Variants in ZDHHC14 observed in about 807,000 individuals in gnomAD.
ZDHHC14 encodes the protein palmitoyltransferase ZDHHC14.
In ZDHHC14, 16 loss-of-function variants were observed where a neutral mutation model predicts 47.7. That is an observed-to-expected ratio of 0.34 (90% CI 0.23 to 0.51). The LOEUF is 0.51. Ranked by LOEUF, ZDHHC14 falls within the 20% of genes least tolerant of loss-of-function variation. The probability of loss-of-function intolerance (pLI) is 0.97; values close to 1 mark genes in which losing one functional copy is unlikely to be tolerated. For missense variants in ZDHHC14, 515 were observed against 662.5 expected (o/e 0.78, Z 2.44); for synonymous variants, 293 against 278.9 (o/e 1.05, Z -0.50).
chr6:157,634,220 T>G (rs1293143040), intron 5 of ZDHHC14, among the ~76,000 whole-genome samples: 1 of 152,216 alleles, frequency 6.6e-6, no homozygotes, highest in African/African-American at 2.4e-5. Context: ...CAACTAATAC[T>G]TTTTAAACTC....
chr6:157,433,244 C>G (rs1245028281), intron 1 of ZDHHC14, among the ~76,000 whole-genome samples: 2 of 152,178 alleles, frequency 1.3e-5, no homozygotes, highest in African/African-American at 4.8e-5. Flanking sequence ...TAAGTTGGCT[C>G]TTATAATTAA....
At position 157,653,447 on chromosome 6, in the gene ZDHHC14, G is replaced by A. The variant is rs573053027; in HGVS notation, c.966-78G>A. The A allele has an allele frequency of 3.3e-5, 49 of 1,502,712 alleles. No homozygotes were observed. The Admixed American group carries it at 5.1e-4, about 16-fold the overall frequency. The allele number at this position is 1,502,712 out of a possible 1,614,324, so 93.1% of individuals were successfully genotyped here. A position where few individuals can be genotyped will look rare whatever the true frequency, so the allele number is the denominator to read the frequency against. Reference sequence around the variant, plus strand: ...TGTCACGGGAAGAGGGAGCCCCGACGCGGAACCTGAGATAGTGCTGCTGCA... The same window carrying A: ...TGTCACGGGAAGAGGGAGCCCCGACACGGAACCTGAGATAGTGCTGCTGCA... On this transcript the variant is annotated intron_variant, in intron 7 of 8. Transcript: ENST00000359775.
At position 157,427,043 on chromosome 6, in the gene ZDHHC14, GA is replaced by G. The variant is rs1289856298; in HGVS notation, c.245+44778del. Reference sequence around the variant, plus strand: ...GTGAGGAATCGGTCTAGAGGAAAAGGAGGAGAGGCACGGTGCGAGCTGGGGT... The same window carrying G: ...GTGAGGAATCGGTCTAGAGGAAAAGGGGAGAGGCACGGTGCGAGCTGGGGT... On this transcript the variant is annotated intron_variant, in intron 1 of 8. Transcript: ENST00000359775. The surrounding 1 kb of genome is among the most constrained non-coding windows in gnomAD (Gnocchi z 4.4). Among the ~76,000 whole-genome samples, 1 of 152,150 alleles carries G rather than the reference GA, an allele frequency of 6.6e-6. No homozygotes were observed. Among genetic ancestry groups the G allele is most frequent in the Non-Finnish European group, 1.5e-5 (1 of 68,016 alleles).
chr6:157,502,802 T>G lies in ZDHHC14; in HGVS notation c.246-39783T>G, dbSNP rs185403734. ...GCCTCCCAGGTTCAAGCGATTCTCC[T>G]GGCTCAGCCTCTCAAGTAGCTGGGA... On this transcript the variant is annotated intron_variant, in intron 1 of 8. Coordinates refer to ENST00000359775, the MANE Select transcript of ZDHHC14 (RefSeq NM_024630.3). The surrounding 1 kb of genome is among the most constrained non-coding windows in gnomAD (Gnocchi z 4.0). Among the ~76,000 whole-genome samples, 22 of 152,336 alleles carry G rather than the reference T, an allele frequency of 1.4e-4. No homozygotes were observed. The highest frequency in any genetic ancestry group is 3.4e-3 in the Middle Eastern group (1 of 294).
At chr6:157,521,390 G>A (rs940595312) in intron 1 of ZDHHC14, among the ~76,000 whole-genome samples, 8 of 152,172 alleles carry the variant, frequency 5.3e-5, no homozygotes, top group African/African-American at 9.7e-5. Flanking sequence ...TTCTGTCTTC[G>A]TCTGTTCAGG....
chr6:157,625,498 A>G (rs1001589746), intron 3 of ZDHHC14, among the ~76,000 whole-genome samples: 1 of 152,182 alleles, frequency 6.6e-6, no homozygotes, highest in Non-Finnish European at 1.5e-5. Context: ...ATTGCCAGTG[A>G]GAGAGAAAGA....
Position 157,522,942 on chromosome 6 carries a change from TTTCC to T in ZDHHC14, c.246-19627_246-19624del, listed in dbSNP as rs1233583900. Among the ~76,000 whole-genome samples, 116 of 48,188 alleles carry T rather than the reference TTTCC, an allele frequency of 2.4e-3. 10 individuals are homozygous for T. The highest frequency in any genetic ancestry group is 0.013 in the African/African-American group (90 of 7,012). 31.6% of individuals were successfully genotyped at this position (48,188 alleles called of 152,430 possible). On this transcript the variant is annotated intron_variant, in intron 1 of 8. Transcript: ENST00000359775. The stretch of plus-strand genomic sequence containing the variant: ...CTTCCTTTCTTTCTTTCTTTCTTTC[TTTCC>T]TTCCTTCCTTCCTTCTTTCTTTTCT...
At chr6:157,515,816 C>T (rs1243249726) in intron 1 of ZDHHC14, among the ~76,000 whole-genome samples, 1 of 152,108 alleles carries the variant, frequency 6.6e-6, no homozygotes, top group Non-Finnish European at 1.5e-5. Context: ...TGCACTCACC[C>T]CCACAGCTGT....
intron 3 of ZDHHC14, among the ~76,000 whole-genome samples, chr6:157,613,974 T>C (rs896441233): frequency 4.6e-5 from 7 of 152,340 alleles, no homozygotes; most frequent in Admixed American, 2.6e-4. Context: ...TGACTCTTCC[T>C]CTCGTGGTCT....
chr6:157,648,895 C>T (rs181309245), intron 7 of ZDHHC14, among the ~76,000 whole-genome samples: 7 of 152,242 alleles, frequency 4.6e-5, no homozygotes, highest in Admixed American at 4.6e-4. Context: ...CTCTTTCCCC[C>T]ACCTGCAGTG....
chr6:157,635,086 C>T (rs896195174), intron 5 of ZDHHC14, among the ~76,000 whole-genome samples: 8 of 152,104 alleles, frequency 5.3e-5, no homozygotes, highest in African/African-American at 9.7e-5. Context: ...CTCCGCCTCC[C>T]GGGTTCAAGC....
At chr6:157,592,160 A>G (rs1783932583) in intron 2 of ZDHHC14, among the ~76,000 whole-genome samples, 1 of 152,016 alleles carries the variant, frequency 6.6e-6, no homozygotes. Context: ...AATCTGGAAC[A>G]GGGTTCACAC....
chr6:157,472,312 G>A (rs193005942), intron 1 of ZDHHC14, among the ~76,000 whole-genome samples: 1 of 152,220 alleles, frequency 6.6e-6, no homozygotes, highest in East Asian at 1.9e-4. Flanking sequence ...CTTCTACCTG[G>A]GCATGTAGAG....
intron 1 of ZDHHC14, among the ~76,000 whole-genome samples, chr6:157,499,488 C>CCCT (rs1458889221): frequency 6.6e-6 from 1 of 151,770 alleles, no homozygotes; most frequent in African/African-American, 2.4e-5. Context: ...AGCCCCCCAC[C>CCCT]CCGATATCAT....
At chr6:157,426,254 G>A (rs1234198304) in intron 1 of ZDHHC14, among the ~76,000 whole-genome samples, 2 of 152,170 alleles carry the variant, frequency 1.3e-5, no homozygotes, top group African/African-American at 4.8e-5. Context: ...ATGGATGCTG[G>A]GTGGGGAGGT....
At chr6:157,645,960 TG>T (rs1777533098) in intron 6 of ZDHHC14, 121 bp downstream of exon 6, 2 of 792,270 alleles carry the variant, frequency 2.5e-6, no homozygotes, top group African/African-American at 3.5e-5. Context: ...TGTGAGCCCT[TG>T]GGAACAGAGA....
intron 8 of ZDHHC14, among the ~76,000 whole-genome samples, chr6:157,658,295 C>G (rs1778192852): frequency 1.3e-5 from 2 of 152,192 alleles, no homozygotes; most frequent in African/African-American, 4.8e-5. Flanking sequence ...TTTTCCTCAT[C>G]TGCAAAATAG....
intron 1 of ZDHHC14, among the ~76,000 whole-genome samples, chr6:157,412,971 G>C (rs748111070): frequency 2.0e-5 from 3 of 152,346 alleles, no homozygotes; most frequent in Non-Finnish European, 4.4e-5. Flanking sequence ...AGCCCGTGGG[G>C]TTAGCTGTTT....
At chr6:157,651,984 C>T (rs945189364) in intron 7 of ZDHHC14, among the ~76,000 whole-genome samples, 7 of 152,234 alleles carry the variant, frequency 4.6e-5, no homozygotes, top group African/African-American at 1.7e-4. Flanking sequence ...GGGCAGAACA[C>T]CCTTCTCCAA....
Sources: allele counts gnomAD v4.1 joint callset (sites outside exome capture counted in the v4.1 genomes callset), GRCh38; gene constraint gnomAD v4.1.1; non-coding constraint Gnocchi (gnomAD v3.1); transcripts MANE v1.5; gene names NCBI Gene and HGNC (gene_info 2026-07-23, HGNC 2026-07-21).